The following AP2A2 variants were observed in gnomAD, a reference collection of about 807,000 sequenced individuals.
AP2A2 encodes the protein AP-2 complex subunit alpha-2.
AP2A2 carries 32 observed loss-of-function variants against 104.2 expected under a neutral mutation model. The ratio of observed to expected loss-of-function variants is 0.31; its 90% CI spans 0.23 to 0.41. The LOEUF (loss-of-function observed/expected upper bound fraction) is 0.41. AP2A2 is among the 10% of genes least tolerant of loss of function. The pLI is 1.00. For missense variants in AP2A2, 912 were observed against 1,261.0 expected, an observed-to-expected ratio of 0.72 and a Z score of 4.19; for synonymous variants, 539 against 533.3, an observed-to-expected ratio of 1.01 and a Z score of -0.15.
chr11:944,831 A>C (rs1853779793), intron 1 of AP2A2, among the ~76,000 whole-genome samples: 1 of 129,808 alleles, frequency 7.7e-6, no homozygotes, highest in South Asian at 2.5e-4. Flanking sequence ...CAGGAGGCGC[A>C]TGTGGCTTTA....
At chr11:940,786 C>T (rs1853620265) in intron 1 of AP2A2, 1 of 455,970 alleles carries the variant, frequency 2.2e-6, no homozygotes, top group Admixed American at 2.3e-5. Context: ...CAGTGCCTGC[C>T]AACCTGAAGG....
intron 10 of AP2A2, among the ~76,000 whole-genome samples, chr11:991,191 C>A (rs772704559): frequency 1.3e-5 from 2 of 152,236 alleles, no homozygotes; most frequent in South Asian, 2.1e-4. Flanking sequence ...TCCTTTCAGT[C>A]GAGCATGGCA....
chr11:1,004,110 A>G (rs1856119121), intron 16 of AP2A2, among the ~76,000 whole-genome samples: 1 of 152,120 alleles, frequency 6.6e-6, no homozygotes, highest in Non-Finnish European at 1.5e-5. Flanking sequence ...AAGATGGACA[A>G]AGTCACGAGG....
chr11:994,302 G>A (rs756926585), intron 14 of AP2A2, 57 bp downstream of exon 14: 112 of 1,589,744 alleles, frequency 7.0e-5, no homozygotes, highest in Non-Finnish European at 9.4e-5. Context: ...CCCAAGACTT[G>A]GGACCAGCAG....
intron 2 of AP2A2, among the ~76,000 whole-genome samples, chr11:964,641 C>T (rs542360220): frequency 6.6e-6 from 1 of 152,150 alleles, no homozygotes; most frequent in African/African-American, 2.4e-5. Context: ...GCCACAGTCT[C>T]ACTTTTCCTA....
chr11:977,372 C>T, intron 5 of AP2A2, 148 bp downstream of exon 5: 2 of 1,081,218 alleles, frequency 1.8e-6, no homozygotes, highest in Non-Finnish European at 2.6e-6. Context: ...CACGGGGGCC[C>T]TTCCTGGGGC....
intron 14 of AP2A2, among the ~76,000 whole-genome samples, chr11:1,000,044 G>A (rs180812533): frequency 1.3e-5 from 2 of 151,446 alleles, no homozygotes; most frequent in East Asian, 4.0e-4. Flanking sequence ...CTGACCTCGT[G>A]ATCCGCCCAC....
At chr11:956,686 T>C (rs996074087) in intron 1 of AP2A2, 4 of 152,204 alleles carry the variant, frequency 2.6e-5, no homozygotes, top group African/African-American at 9.6e-5. Context: ...TACATGCAAG[T>C]GTTTGTTGAG....
intron 6 of AP2A2, among the ~76,000 whole-genome samples, chr11:984,346 G>C (rs1025708038): frequency 7.2e-5 from 11 of 152,148 alleles, no homozygotes; most frequent in Non-Finnish European, 8.8e-5. Context: ...CTCTCTCTCT[G>C]ATTTCATTCA....
chr11:953,786 T>C (rs1214811156), intron 1 of AP2A2, among the ~76,000 whole-genome samples: 2 of 151,776 alleles, frequency 1.3e-5, no homozygotes, highest in African/African-American at 4.8e-5. Context: ...TAGGCTCTCC[T>C]GTCCTCAGGT....
chr11:993,764 C>G lies in AP2A2; in HGVS notation c.1561C>G (p.Gln521Glu). Residue 521 changes from glutamine to glutamate, a missense_variant, in exon 13 of 22, where the codon CAG becomes GAG. Physicochemically the swap from Gln to Glu is conservative, Grantham distance 29 (BLOSUM62 2). Transcript: ENST00000448903. The surrounding 1 kb of genome is among the most constrained non-coding windows in gnomAD (Gnocchi z 8.2). ...CCTCCCCGTCCCCAGCCCGCTGATC[C>G]AGTTCCACCTGCTGCACTCCAAGTT... is the stretch of plus-strand genomic sequence containing the variant. ...AGDPRSSPLI[Q>E]FHLLHSKFHL... 1 of 1,596,728 alleles carries G rather than the reference C, an allele frequency of 6.3e-7. No homozygotes were observed.
intron 1 of AP2A2, among the ~76,000 whole-genome samples, chr11:950,708 G>A (rs1034838837): frequency 6.6e-6 from 1 of 152,092 alleles, no homozygotes; most frequent in African/African-American, 2.4e-5. Flanking sequence ...GAGAATGAGA[G>A]AAAATATTTG....
intron 7 of AP2A2, 42 bp downstream of exon 7, chr11:984,795 G>A (rs1157910682): frequency 6.9e-7 from 1 of 1,440,548 alleles, no homozygotes; most frequent in East Asian, 2.3e-5. Context: ...ACCAGTGCCA[G>A]TCTGATTCCC....
At chr11:997,019 G>A (rs141131247) in intron 14 of AP2A2, among the ~76,000 whole-genome samples, 1 of 152,136 alleles carries the variant, frequency 6.6e-6, no homozygotes, top group Non-Finnish European at 1.5e-5. Flanking sequence ...GGGAGCCCCA[G>A]TGAGAGGCCC....
In AP2A2 at chr11:984,653, GTCTGCA is replaced by G; in HGVS notation, c.717_722del (p.Ala240_Ser241del). The G allele has an allele frequency of 6.2e-7, 1 of 1,611,938 alleles. No individual in the cohort carries two copies. Among genetic ancestry groups the G allele is most frequent in the Non-Finnish European group, 8.5e-7 (1 of 1,178,282 alleles). On this transcript the variant is annotated inframe_deletion, in exon 7 of 22. Transcript: ENST00000448903. The stretch of plus-strand genomic sequence containing the variant: ...CCTGTGCTGTCTTACAGATCGTGAC[GTCTGCA>G]TCCACAGATCTCCAGGATTACACTT...
intron 1 of AP2A2, chr11:940,714 G>T: frequency 4.7e-6 from 2 of 429,220 alleles, no homozygotes; most frequent in Non-Finnish European, 9.3e-6. Flanking sequence ...TCTGGCCCAT[G>T]CTGTGAGGTT....
At chr11:1,004,271 G>A (rs1856126570) in intron 16 of AP2A2, among the ~76,000 whole-genome samples, 1 of 152,168 alleles carries the variant, frequency 6.6e-6, no homozygotes. Flanking sequence ...CCAGGAGTTC[G>A]AGACTGGCCT....
intron 1 of AP2A2, among the ~76,000 whole-genome samples, chr11:928,125 A>C (rs1853177600): frequency 3.3e-5 from 5 of 152,236 alleles, no homozygotes; most frequent in Admixed American, 3.3e-4. Flanking sequence ...TGCGTTTGAC[A>C]GGATGGCGCC....
At chr11:969,247 T>G (rs1854735349) in intron 2 of AP2A2, among the ~76,000 whole-genome samples, 2 of 134,280 alleles carry the variant, frequency 1.5e-5, no homozygotes, top group Admixed American at 8.0e-5. Flanking sequence ...TTTTTTTTTT[T>G]GAGATGGAGT....
Sources: allele counts gnomAD v4.1 joint callset (sites outside exome capture counted in the v4.1 genomes callset), GRCh38; gene constraint gnomAD v4.1.1; non-coding constraint Gnocchi (gnomAD v3.1); transcripts MANE v1.5; gene names NCBI Gene and HGNC (gene_info 2026-07-23, HGNC 2026-07-21).